Variants in FAR2 observed in about 807,000 individuals in gnomAD.
FAR2 encodes the protein epididymis secretory protein Li 81.
FAR2 carries 19 observed loss-of-function variants against 56.0 expected under a neutral mutation model. That is an observed-to-expected ratio of 0.34 (90% CI 0.24 to 0.50). The LOEUF is 0.50. Among genes scored for constraint, FAR2 ranks in the 20% least tolerant of loss-of-function variants. The probability of loss-of-function intolerance (pLI) is 0.98; values close to 1 mark genes in which losing one functional copy is unlikely to be tolerated. For missense variants in FAR2, 508 were observed against 642.2 expected (o/e 0.79, Z 2.26); for synonymous variants, 219 against 218.8 (o/e 1.00, Z -0.01).
intron 2 of FAR2, chr12:29,280,910 T>A (rs541538162): frequency 6.6e-6 from 1 of 152,360 alleles, no homozygotes; most frequent in African/African-American, 2.4e-5. Context: ...CATAGCTGTG[T>A]GTCCAGGAGA....
rs140259257 is a variant in FAR2 at position 29,276,845 on chromosome 12, T to TTATATA, written c.189+6217_189+6222dup. 3.3e-5 allele frequency among the ~76,000 whole-genome samples: 5 copies of TTATATA among 149,368 alleles called. 1 individual carries two copies. The highest frequency in any genetic ancestry group is 3.5e-3 in the Middle Eastern group (1 of 284). On this transcript the variant is annotated intron_variant, in intron 2 of 11. Transcript: ENST00000536681. ...GAAAGGTGAAAGAAACCTCTAGATT[T>TTATATA]TATATATATATATATGTAAAATCTC...
intron 1 of FAR2, among the ~76,000 whole-genome samples, chr12:29,164,109 C>T (rs1176268758): frequency 1.3e-5 from 2 of 152,146 alleles, no homozygotes; most frequent in Non-Finnish European, 2.9e-5. Context: ...GAGCTCAACA[C>T]GTAATACAGT....
At chr12:29,189,549 G>T (rs1368212200) in intron 1 of FAR2, among the ~76,000 whole-genome samples, 2 of 152,176 alleles carry the variant, frequency 1.3e-5, no homozygotes, top group African/African-American at 4.8e-5. Context: ...TGCCCTGAGT[G>T]TTCTAATTGC....
At chr12:29,312,868 T>C (rs1949377667) in intron 8 of FAR2, among the ~76,000 whole-genome samples, 1 of 152,146 alleles carries the variant, frequency 6.6e-6, no homozygotes, top group South Asian at 2.1e-4. Context: ...GCAGGGCAGC[T>C]AGACACTGTG....
At chr12:29,198,686 A>G (rs965403763) in intron 1 of FAR2, among the ~76,000 whole-genome samples, 4 of 152,014 alleles carry the variant, frequency 2.6e-5, no homozygotes, top group Non-Finnish European at 4.4e-5. Flanking sequence ...AAAATTTTAG[A>G]TCTCTGTGAA....
intron 1 of FAR2, among the ~76,000 whole-genome samples, chr12:29,214,995 A>G (rs1349840459): frequency 1.3e-5 from 2 of 152,200 alleles, no homozygotes; most frequent in Non-Finnish European, 2.9e-5. Context: ...TAATAAAAGA[A>G]GCAGTCATGC....
intron 1 of FAR2, among the ~76,000 whole-genome samples, chr12:29,194,991 G>A: frequency 6.6e-6 from 1 of 152,118 alleles, no homozygotes; most frequent in East Asian, 1.9e-4. Context: ...AAGTCTAAGT[G>A]GCATCTCTGT....
chr12:29,286,443 T>C (rs1439408381), intron 2 of FAR2, among the ~76,000 whole-genome samples: 2 of 152,230 alleles, frequency 1.3e-5, no homozygotes, highest in Admixed American at 6.5e-5. Flanking sequence ...AGTGAAACTA[T>C]TGCTTGCCAT....
intron 2 of FAR2, among the ~76,000 whole-genome samples, chr12:29,287,624 A>AC: frequency 6.6e-6 from 1 of 152,076 alleles, no homozygotes; most frequent in East Asian, 1.9e-4. Context: ...ATTTTCCAAA[A>AC]AAAATTAAGC....
intron 1 of FAR2, chr12:29,157,107 TA>T (rs1181101715): frequency 0.017 from 100 of 5,860 alleles, no homozygotes; most frequent in African/African-American, 0.064. Flanking sequence ...AAGAACATTT[TA>T]TATATATATA....
At chr12:29,245,083 C>T (rs990012542) in intron 1 of FAR2, among the ~76,000 whole-genome samples, 16 of 152,024 alleles carry the variant, frequency 1.1e-4, no homozygotes, top group African/African-American at 1.9e-4. Flanking sequence ...CGGGTTCAAG[C>T]GATTTTCCTG....
intron 10 of FAR2, among the ~76,000 whole-genome samples, chr12:29,330,204 A>C (rs1053069712): frequency 4.6e-5 from 7 of 152,126 alleles, no homozygotes; most frequent in Non-Finnish European, 8.8e-5. Flanking sequence ...CTACAGGCGC[A>C]TGCCACGACG....
chr12:29,270,159 A>C (rs1033949794), intron 1 of FAR2, among the ~76,000 whole-genome samples: 3 of 152,232 alleles, frequency 2.0e-5, no homozygotes, highest in African/African-American at 4.8e-5. Context: ...GACTGCAAGC[A>C]ATTCCTTGAA....
intron 1 of FAR2, among the ~76,000 whole-genome samples, chr12:29,176,966 A>C (rs6487780): frequency 0.98 from 149,065 of 152,342 alleles, 73,022 homozygotes; most frequent in Middle Eastern, 1. Flanking sequence ...CAATAAATTT[A>C]ATTTAGCCAT....
At chr12:29,196,594 A>G (rs540207192) in intron 1 of FAR2, among the ~76,000 whole-genome samples, 1 of 152,266 alleles carries the variant, frequency 6.6e-6, no homozygotes, top group South Asian at 2.1e-4. Context: ...CCTATTTCTC[A>G]CCATATAAAA....
At position 29,245,460 on chromosome 12, in the gene FAR2, G is replaced by C. The variant is rs12578197; in HGVS notation, c.-38-24952G>C. ...GTACTCATTAAATTAGTCATCCCCT[G>C]AATCAGAATGGGGTTGGGCTTGGGG... On this transcript the variant is annotated intron_variant, in intron 1 of 11. Transcript: ENST00000536681. 1.9e-3 allele frequency among the ~76,000 whole-genome samples: 294 copies of C among 152,252 alleles called. 5 individuals are homozygous for C. In the East Asian group the frequency reaches 0.051, roughly 26 times the overall value.
chr12:29,186,850 G>A (rs558417246), intron 1 of FAR2, among the ~76,000 whole-genome samples: 37 of 151,844 alleles, frequency 2.4e-4, no homozygotes, highest in Admixed American at 1.5e-3. Context: ...GTGCAGTGGC[G>A]CAATCTCGGC....
intron 8 of FAR2, among the ~76,000 whole-genome samples, chr12:29,313,968 T>C (rs1448539139): frequency 6.6e-6 from 1 of 151,208 alleles, no homozygotes; most frequent in Non-Finnish European, 1.5e-5. Flanking sequence ...TCGGCTTTTC[T>C]AATACATGCA....
At chr12:29,189,287 A>G (rs990755467) in intron 1 of FAR2, among the ~76,000 whole-genome samples, 2 of 152,204 alleles carry the variant, frequency 1.3e-5, no homozygotes, top group Admixed American at 6.5e-5. Flanking sequence ...ACTTTGTGTA[A>G]TAATCCAAAT....
Sources: allele counts gnomAD v4.1 joint callset (sites outside exome capture counted in the v4.1 genomes callset), GRCh38; gene constraint gnomAD v4.1.1; transcripts MANE v1.5; gene names NCBI Gene and HGNC (gene_info 2026-07-23, HGNC 2026-07-21).